The following DNAH7 variants were observed in gnomAD, a reference collection of about 807,000 sequenced individuals.
DNAH7 encodes the protein axonemal beta dynein heavy chain 7.
Under a neutral mutation model 444.6 loss-of-function variants are expected in DNAH7, and 397 were observed. The observed-to-expected ratio is 0.89, with a 90% CI of 0.82 to 0.97. The LOEUF (loss-of-function observed/expected upper bound fraction) is 0.97, where lower values mean the gene tolerates loss of function less well. DNAH7 is among the 50% of genes least tolerant of loss of function. DNAH7 has a pLI of 0.00. For missense variants in DNAH7, 4,902 were observed against 4,800.8 expected, an observed-to-expected ratio of 1.02 and a Z score of -0.62; for synonymous variants, 1,636 against 1,624.4, an observed-to-expected ratio of 1.01 and a Z score of -0.17.
At chr2:195,941,046 C>A (rs906900458) in intron 19 of DNAH7, among the ~76,000 whole-genome samples, 2 of 152,094 alleles carry the variant, frequency 1.3e-5, no homozygotes, top group African/African-American at 2.4e-5. Context: ...GATTATAAAT[C>A]ATTCTACCAT....
chr2:195,864,932 C>T lies in DNAH7; in HGVS notation c.6723G>A (p.Met2241Ile). ...NYIQEILRNY[M>I]YEDFHELFQR... ...GAAAAAGCTCATGAAAATCTTCATACATGTAGTTTCTCAAAATTTCTTGAA... is the reference window on the plus strand; with the variant it reads ...GAAAAAGCTCATGAAAATCTTCATATATGTAGTTTCTCAAAATTTCTTGAA... The change falls in exon 41 of 65, where the codon ATG becomes ATA. Residue 2241 changes from methionine (M) to isoleucine (I), a missense_variant. By Grantham distance (10) the Met-to-Ile change is conservative. Coordinates refer to ENST00000312428, the MANE Select transcript of DNAH7 (RefSeq NM_018897.3). 1.9e-6 allele frequency: 3 copies of T among 1,611,690 alleles called. No homozygotes were observed. The highest frequency in any genetic ancestry group is 2.7e-5 in the African/African-American group (2 of 75,016).
rs1019532119 is a variant in DNAH7, at chr2:195,771,894, T to A, written c.11203-4A>T. On this transcript the variant is annotated splice_polypyrimidine_tract_variant and splice_region_variant and intron_variant, in intron 60 of 64. Coordinates refer to ENST00000312428, the MANE Select transcript of DNAH7 (RefSeq NM_018897.3). The stretch of plus-strand genomic sequence containing the variant: ...CACCAGCACCTGCTGAACGAGACTA[T>A]GAAGAATCCAAACTATAACTCAAAA... 1 of 1,613,370 alleles carries A rather than the reference T, an allele frequency of 6.2e-7. No individual in the cohort carries two copies. The highest frequency in any genetic ancestry group is 1.3e-5 in the African/African-American group (1 of 75,018).
chr2:195,767,405 T>G (rs752740040), intron 61 of DNAH7, among the ~76,000 whole-genome samples: 1 of 152,060 alleles, frequency 6.6e-6, no homozygotes, highest in African/African-American at 2.4e-5. Context: ...TATACTCTTG[T>G]GGGAATCAGT....
intron 40 of DNAH7, 127 bp downstream of exon 40, chr2:195,872,123 C>T: frequency 1.3e-6 from 1 of 751,406 alleles, no homozygotes; most frequent in Non-Finnish European, 2.1e-6. Context: ...GAACACTGGC[C>T]TTCAAAATGC....
intron 1 of DNAH7, among the ~76,000 whole-genome samples, chr2:196,064,172 G>A (rs1236198875): frequency 6.6e-6 from 1 of 151,996 alleles, no homozygotes; most frequent in Non-Finnish European, 1.5e-5. Flanking sequence ...AAAATTAGCT[G>A]GGCGTAGTGG....
rs1574594991 is a variant in DNAH7 at position 195,861,768 on chromosome 2, G to A, written c.7685C>T (p.Ser2562Phe). ...LQRYNYVTPT[S>F]YLELISTFKL... ...GAAGGTGGAGATTAATTCGAGGTAA[G>A]AGGTAGGAGTCACATAATTGTATCT... The change falls in exon 42 of 65, where the codon TCT becomes TTT. Residue 2562 changes from serine (S) to phenylalanine (F), a missense_variant. Coordinates refer to ENST00000312428, the MANE Select transcript of DNAH7 (RefSeq NM_018897.3). The A allele has an allele frequency of 6.2e-7, 1 of 1,613,598 alleles. No individual in the cohort carries two copies. The highest frequency in any genetic ancestry group is 8.5e-7 in the Non-Finnish European group (1 of 1,179,610).
rs531515208 is a variant in DNAH7 at position 195,825,560 on chromosome 2, T to C, written c.9101-1115A>G. Among the ~76,000 whole-genome samples the C allele has an allele frequency of 3.9e-5, 6 of 152,324 alleles. No homozygotes were observed. In the East Asian group the frequency reaches 1.2e-3, roughly 29 times the overall value. ...TTTGGATTGTTTCTTGTTCTGAATA[T>C]TATAACAAACACTGTATTAAAAAAA... On this transcript the variant is annotated intron_variant, in intron 48 of 64. Coordinates refer to ENST00000312428, the MANE Select transcript of DNAH7 (RefSeq NM_018897.3).
chr2:195,994,008 G>A (rs563380988), intron 12 of DNAH7, among the ~76,000 whole-genome samples: 1 of 152,320 alleles, frequency 6.6e-6, no homozygotes, highest in South Asian at 2.1e-4. Context: ...ACTTATCCAG[G>A]AGATCATGGA....
chr2:195,898,555 A>C (rs1424103328), intron 28 of DNAH7, among the ~76,000 whole-genome samples: 1 of 152,204 alleles, frequency 6.6e-6, no homozygotes, highest in African/African-American at 2.4e-5. Flanking sequence ...GTTAGATGAC[A>C]TAATAACAGT....
At chr2:195,956,688 G>C (rs903993629) in intron 19 of DNAH7, among the ~76,000 whole-genome samples, 1 of 151,334 alleles carries the variant, frequency 6.6e-6, no homozygotes, top group South Asian at 2.1e-4. Flanking sequence ...AACAAAAAAC[G>C]TACTTTTTTT....
intron 10 of DNAH7, among the ~76,000 whole-genome samples, chr2:196,004,110 A>G (rs1416678023): frequency 6.6e-6 from 1 of 152,228 alleles, no homozygotes; most frequent in East Asian, 1.9e-4. Context: ...TTAGATCTAT[A>G]TTACAGAAAA....
chr2:195,947,150 T>C (rs533977090), intron 19 of DNAH7, among the ~76,000 whole-genome samples: 17 of 148,078 alleles, frequency 1.1e-4, no homozygotes, highest in African/African-American at 4.2e-4. Context: ...CATAATTATA[T>C]ATTATTTTTA....
At position 196,068,820 on chromosome 2, in the gene DNAH7, T is replaced by C. The variant is rs1698579441; in HGVS notation, c.-109A>G. The C allele has an allele frequency of 1.4e-6, 2 of 1,410,724 alleles. No individual in the cohort carries two copies. 87.4% of individuals were successfully genotyped at this position (1,410,724 alleles called of 1,614,324 possible). A position where few individuals can be genotyped will look rare whatever the true frequency, so the allele number is the denominator to read the frequency against. ...GGGACTTGCAGCGGTCTCAGCTCCC[T>C]CCGCACCAGAGCCGTCTAGCGTCCG... On this transcript the variant is annotated 5_prime_UTR_variant, in exon 1 of 65. Transcript: ENST00000312428.
chr2:195,991,350 G>C (rs1384442406), intron 12 of DNAH7, among the ~76,000 whole-genome samples: 1 of 151,198 alleles, frequency 6.6e-6, no homozygotes, highest in Admixed American at 6.7e-5. Flanking sequence ...TTCTCATACA[G>C]ATAAGTTGTC....
chr2:195,867,261 T>A (rs1700398526), intron 40 of DNAH7, among the ~76,000 whole-genome samples: 1 of 152,134 alleles, frequency 6.6e-6, no homozygotes, highest in Non-Finnish European at 1.5e-5. Context: ...CCTGCTTTCC[T>A]CCCTCCCCAA....
At chr2:195,953,015 CT>C (rs762662176) in intron 19 of DNAH7, among the ~76,000 whole-genome samples, 3 of 152,266 alleles carry the variant, frequency 2.0e-5, no homozygotes, top group Non-Finnish European at 4.4e-5. Context: ...AAGAGGCATT[CT>C]GGTTTTTGTA....
intron 51 of DNAH7, among the ~76,000 whole-genome samples, chr2:195,816,134 G>A (rs1697208144): frequency 6.6e-6 from 1 of 152,108 alleles, no homozygotes; most frequent in Non-Finnish European, 1.5e-5. Flanking sequence ...ATAGCCAACA[G>A]TAATATAAAG....
intron 5 of DNAH7, among the ~76,000 whole-genome samples, chr2:196,035,730 A>T (rs1355522755): frequency 6.6e-6 from 1 of 152,258 alleles, no homozygotes; most frequent in Non-Finnish European, 1.5e-5. Flanking sequence ...GCCCAGAGCC[A>T]GGAGGAATGC....
chr2:195,833,381 C>A (rs879052252), intron 48 of DNAH7, among the ~76,000 whole-genome samples: 1 of 152,120 alleles, frequency 6.6e-6, no homozygotes, highest in African/African-American at 2.4e-5. Context: ...AGACTAACTC[C>A]CTCTTAATGT....
Sources: allele counts gnomAD v4.1 joint callset (sites outside exome capture counted in the v4.1 genomes callset), GRCh38; gene constraint gnomAD v4.1.1; transcripts MANE v1.5; gene names NCBI Gene and HGNC (gene_info 2026-07-23, HGNC 2026-07-21).